Variants in BMAL1 observed in about 807,000 individuals in gnomAD.
BMAL1 encodes basic helix-loop-helix ARNT like 1.
At chr11:13,326,631 G>T in the BMAL1 span, among the ~76,000 whole-genome samples, 1 of 152,056 alleles carries the variant, frequency 6.6e-6, no homozygotes, top group Non-Finnish European at 1.5e-5. Flanking sequence ...ACTAGCTGGG[G>T]ACCTTGGGCA....
chr11:13,357,019 AT>A, the BMAL1 span: 1 of 1,614,094 alleles, frequency 6.2e-7, no homozygotes, highest in Non-Finnish European at 8.5e-7. The surrounding 1 kb of genome is among the most constrained non-coding windows in gnomAD (Gnocchi z 4.8). Context: ...TCTCCAGAGA[AT>A]TATGTTTTTA....
At chr11:13,357,400 G>A in the BMAL1 span, among the ~76,000 whole-genome samples, 2 of 152,250 alleles carry the variant, frequency 1.3e-5, no homozygotes, top group African/African-American at 4.8e-5. This position sits in a 1 kb window ranked among gnomAD's most constrained non-coding sequence, Gnocchi z 4.8. Context: ...TTCCTGACTG[G>A]AGCGCCCTCC....
the BMAL1 span, among the ~76,000 whole-genome samples, chr11:13,297,833 CTG>C: frequency 8.5e-5 from 13 of 152,222 alleles, no homozygotes; most frequent in Admixed American, 3.3e-4. Context: ...ATGGAACCTA[CTG>C]CATGGGACCA....
chr11:13,376,864 G>A, the BMAL1 span: 16 of 743,992 alleles, frequency 2.2e-5, no homozygotes, highest in East Asian at 2.8e-5. Flanking sequence ...GATGATGTGC[G>A]GATTTCCCCA....
At chr11:13,372,442 T>A in the BMAL1 span, 1 of 1,605,852 alleles carries the variant, frequency 6.2e-7, no homozygotes, top group Non-Finnish European at 8.5e-7. Flanking sequence ...TGAGCAATGA[T>A]GGTAGAGGAT....
the BMAL1 span, among the ~76,000 whole-genome samples, chr11:13,335,995 G>A: frequency 2.6e-5 from 4 of 151,586 alleles, no homozygotes; most frequent in East Asian, 7.8e-4. Context: ...ATATGAAAGA[G>A]CAAGAGAGAG....
chr11:13,348,331 G>T, the BMAL1 span, among the ~76,000 whole-genome samples: 2 of 152,190 alleles, frequency 1.3e-5, no homozygotes, highest in Admixed American at 1.3e-4. Flanking sequence ...TGCTGGGTGG[G>T]TTTGAACTTT....
chr11:13,282,530 G>A, the BMAL1 span, among the ~76,000 whole-genome samples: 1 of 152,122 alleles, frequency 6.6e-6, no homozygotes, highest in South Asian at 2.1e-4. Flanking sequence ...CAAGCTGAGG[G>A]GCTGTCCATT....
chr11:13,353,885 A>G, the BMAL1 span, among the ~76,000 whole-genome samples: 1 of 152,172 alleles, frequency 6.6e-6, no homozygotes, highest in African/African-American at 2.4e-5. Context: ...AAAAGGGAGG[A>G]AAAATAATTA....
At chr11:13,354,287 TG>T in the BMAL1 span, 8 of 1,536,940 alleles carry the variant, frequency 5.2e-6, no homozygotes, top group African/African-American at 6.9e-5. Context: ...TTGTGCCTCT[TG>T]TAACAATTCC....
chr11:13,357,089 A>G, the BMAL1 span: 1 of 1,614,228 alleles, frequency 6.2e-7, no homozygotes, highest in Non-Finnish European at 8.5e-7. This position sits in a 1 kb window ranked among gnomAD's most constrained non-coding sequence, Gnocchi z 4.8. Context: ...AAGGATAAAA[A>G]ATGCAAGGTA....
chr11:13,295,555 G>A, the BMAL1 span, among the ~76,000 whole-genome samples: 2 of 152,082 alleles, frequency 1.3e-5, no homozygotes, highest in African/African-American at 2.4e-5. Context: ...TGCGAGGGCC[G>A]AGCTTCTCCC....
At chr11:13,292,384 A>C in the BMAL1 span, among the ~76,000 whole-genome samples, 1 of 151,524 alleles carries the variant, frequency 6.6e-6, no homozygotes, top group Admixed American at 6.6e-5. Flanking sequence ...TCTACTAAAA[A>C]TACAAAAAAA....
chr11:13,315,538 C>T, the BMAL1 span, among the ~76,000 whole-genome samples: 1 of 152,216 alleles, frequency 6.6e-6, no homozygotes, highest in African/African-American at 2.4e-5. Context: ...GAGGCCTCGA[C>T]CCATTGAGTA....
At chr11:13,378,458 T>G in the BMAL1 span, 1 of 1,604,980 alleles carries the variant, frequency 6.2e-7, no homozygotes, top group South Asian at 1.1e-5. Flanking sequence ...AAGTAACACC[T>G]TCTAGTTCCT....
the BMAL1 span, chr11:13,372,191 C>T: frequency 6.2e-7 from 1 of 1,614,176 alleles, no homozygotes; most frequent in South Asian, 1.1e-5. Flanking sequence ...GCACAATCCA[C>T]AGCACAGGCT....
chr11:13,375,856 T>G, the BMAL1 span: 1 of 1,237,438 alleles, frequency 8.1e-7, no homozygotes, highest in Non-Finnish European at 1.1e-6. Context: ...ACATCCAGTA[T>G]CACATCCTTT....
chr11:13,381,229 A>G, the BMAL1 span: 1 of 1,614,130 alleles, frequency 6.2e-7, no homozygotes, highest in Non-Finnish European at 8.5e-7. Context: ...CCTCCCCCTG[A>G]TGCCTCTTCT....
the BMAL1 span, chr11:13,358,331 G>T: frequency 7.8e-7 from 1 of 1,279,240 alleles, no homozygotes; most frequent in East Asian, 2.7e-5. Flanking sequence ...AATTTGCCTT[G>T]TCAGATGAAC....
Sources: gnomAD v4.1 joint callset for allele counts (sites outside exome capture counted in the v4.1 genomes callset) on GRCh38, gnomAD v4.1.1 for gene constraint, Gnocchi (gnomAD v3.1) non-coding constraint, MANE v1.5 for transcripts, NCBI Gene and HGNC (gene_info 2026-07-23, HGNC 2026-07-21) for gene names.